Variants in MIB1 observed in about 807,000 individuals in gnomAD.
MIB1 encodes E3 ubiquitin-protein ligase MIB1.
A neutral mutation model predicts 124.5 loss-of-function variants in MIB1; 278 were observed. The observed-to-expected ratio is 2.23, with a 90% CI of 2.02 to 2.47. The LOEUF (loss-of-function observed/expected upper bound fraction) is 2.47. Ranked by LOEUF, MIB1 falls within the 30% of genes most tolerant of loss-of-function variation. The pLI, the probability that MIB1 is intolerant of heterozygous loss-of-function variation, is 0.00. For missense variants in MIB1, 957 were observed against 1,254.4 expected, an observed-to-expected ratio of 0.76 and a Z score of 3.58; for synonymous variants, 446 against 429.4, an observed-to-expected ratio of 1.04 and a Z score of -0.48.
At chr18:21,738,976 C>T (rs112564098), upstream of MIB1, among the ~76,000 whole-genome samples, 2,861 of 150,838 alleles carry the variant, frequency 0.019, 41 homozygotes, top group East Asian at 0.07. Context: ...AAAAACCCTT[C>T]AAAAAAATTA....
intron 13 of MIB1, among the ~76,000 whole-genome samples, chr18:21,840,592 C>A (rs1324560078): frequency 1.3e-5 from 2 of 149,216 alleles, no homozygotes; most frequent in African/African-American, 4.9e-5. Flanking sequence ...AGTTCGAGAC[C>A]AGCCTGGGCA....
chr18:21,775,136 G>A (rs1255165976), intron 4 of MIB1, among the ~76,000 whole-genome samples: 1 of 151,252 alleles, frequency 6.6e-6, no homozygotes, highest in Non-Finnish European at 1.5e-5. Flanking sequence ...TAGTAGAGAC[G>A]CGATTTCACT....
rs1219285364 is a variant in MIB1, at chr18:21,798,150, G to T, written c.1159G>T (p.Gly387Ter). The T allele has an allele frequency of 6.2e-7, 1 of 1,613,328 alleles. No homozygotes were observed. The highest frequency in any genetic ancestry group is 2.2e-5 in the East Asian group (1 of 44,848). ...SDSDLKVEVC[G>*]TSWTYNPAAV... ...CAGTGATTTAAAGGTGGAAGTTTGT[G>T]GAACATCTTGGACATACAATCCAGC... Residue 387 changes from glycine to a stop codon, truncating the protein, a stop_gained, in exon 8 of 21, where the codon GGA becomes TGA. Coordinates refer to ENST00000261537, the MANE Select transcript of MIB1 (RefSeq NM_020774.4). LOFTEE classifies it high-confidence loss of function.
At chr18:21,781,385 ATATATATATATATATATATATATATATAT>A (rs1568198993) in intron 6 of MIB1, among the ~76,000 whole-genome samples, 2,065 of 64,774 alleles carry the variant, frequency 0.032, 94 homozygotes, top group African/African-American at 0.11. Flanking sequence ...ATATATATAT[ATATATATATATATATATATATATATATAT>A]AAAATTATTA....
In MIB1 at chr18:21,787,017, AT is replaced by A. The variant is rs149888040; in HGVS notation, c.909-4343del. Among the ~76,000 whole-genome samples the A allele has an allele frequency of 7.7e-3, 1,043 of 135,490 alleles. 3 individuals are homozygous for A. Among genetic ancestry groups the A allele is most frequent in the Non-Finnish European group, 8.7e-3 (539 of 62,016 alleles). The allele number at this position is 135,490 out of a possible 152,430, so 88.9% of individuals were successfully genotyped here. On this transcript the variant is annotated intron_variant, in intron 6 of 20. Transcript: ENST00000261537. ...TTATATGGCTTCGTATTGAAAGATC[AT>A]TTTTTTTTTTTTTCCCAGTTTTTGC...
At chr18:21,840,625 C>CTG (rs1385375798) in intron 13 of MIB1, among the ~76,000 whole-genome samples, 8 of 132,982 alleles carry the variant, frequency 6.0e-5, no homozygotes, top group African/African-American at 2.4e-4. Context: ...CTCATCTCTA[C>CTG]TGTATATATA....
intron 1 of MIB1, among the ~76,000 whole-genome samples, chr18:21,733,699 CT>C (rs926627764): frequency 6.7e-4 from 102 of 152,102 alleles, no homozygotes; most frequent in Non-Finnish European, 1.1e-3. Context: ...CTCGTCCTTT[CT>C]TTTTTCTTTT....
chr18:21,765,277 T>C (rs2041143624), intron 1 of MIB1, among the ~76,000 whole-genome samples: 1 of 152,232 alleles, frequency 6.6e-6, no homozygotes, highest in Non-Finnish European at 1.5e-5. Context: ...TTTCTAACTT[T>C]TCCTGACTAT....
At chr18:21,857,063 G>A (rs758535923) in intron 18 of MIB1, 67 bp from the exon 19 acceptor site, 29 of 1,010,648 alleles carry the variant, frequency 2.9e-5, no homozygotes, top group Non-Finnish European at 4.2e-5. Context: ...ATAAAAATTA[G>A]CAGAGAAAGG....
At chr18:21,715,079 C>T (rs893101484) in intron 1 of MIB1, among the ~76,000 whole-genome samples, 5 of 152,138 alleles carry the variant, frequency 3.3e-5, no homozygotes, top group African/African-American at 1.2e-4. Context: ...TTGAGAGAAC[C>T]CATGAACCCT....
intron 6 of MIB1, among the ~76,000 whole-genome samples, chr18:21,784,255 G>C: frequency 6.6e-6 from 1 of 150,642 alleles, no homozygotes; most frequent in African/African-American, 2.5e-5. Context: ...CACCATGTTG[G>C]CCAGGCTGGT....
At chr18:21,711,313 A>T (rs1365227442) in intron 1 of MIB1, among the ~76,000 whole-genome samples, 2 of 151,568 alleles carry the variant, frequency 1.3e-5, no homozygotes, top group African/African-American at 4.8e-5. Context: ...ATGGAGTCTC[A>T]CTCTGTCACA....
At chr18:21,707,421 C>T (rs1028390157) in intron 1 of MIB1, among the ~76,000 whole-genome samples, 3 of 152,306 alleles carry the variant, frequency 2.0e-5, no homozygotes, top group African/African-American at 7.2e-5. Context: ...GCAGGCTGCC[C>T]GAGCCAGCAG....
chr18:21,809,920 A>G (rs1035073466), intron 10 of MIB1, among the ~76,000 whole-genome samples: 1 of 152,130 alleles, frequency 6.6e-6, no homozygotes, highest in Admixed American at 6.5e-5. Flanking sequence ...AAAAGAAAAG[A>G]CATCCGAATT....
chr18:21,796,430 T>C (rs1036844254), intron 7 of MIB1, among the ~76,000 whole-genome samples: 1 of 151,934 alleles, frequency 6.6e-6, no homozygotes, highest in Non-Finnish European at 1.5e-5. Flanking sequence ...TTAGGACAAA[T>C]ATCTAATATA....
At chr18:21,717,779 A>T (rs771721409) in intron 1 of MIB1, among the ~76,000 whole-genome samples, 3 of 152,202 alleles carry the variant, frequency 2.0e-5, no homozygotes, top group Non-Finnish European at 4.4e-5. Context: ...AACGAAGAAC[A>T]CTTCTACACT....
chr18:21,721,177 T>G (rs2040713875), intron 1 of MIB1, among the ~76,000 whole-genome samples: 2 of 110,428 alleles, frequency 1.8e-5, no homozygotes, highest in African/African-American at 3.8e-5. Flanking sequence ...TTTTTTTTTT[T>G]TTTTTTTTTT....
chr18:21,778,192 AT>A, intron 5 of MIB1, 23 bp downstream of exon 5: 1 of 1,494,316 alleles, frequency 6.7e-7, no homozygotes, highest in Non-Finnish European at 9.3e-7. Context: ...ATTAGAGAGT[AT>A]TACTAAATAA....
At chr18:21,832,682 A>G (rs1414976121) in intron 12 of MIB1, among the ~76,000 whole-genome samples, 1 of 152,210 alleles carries the variant, frequency 6.6e-6, no homozygotes, top group Non-Finnish European at 1.5e-5. Context: ...TGTTGTCTTT[A>G]GCATTTAATA....
Sources: allele counts gnomAD v4.1 joint callset (sites outside exome capture counted in the v4.1 genomes callset), GRCh38; gene constraint gnomAD v4.1.1; transcripts MANE v1.5; gene names NCBI Gene and HGNC (gene_info 2026-07-23, HGNC 2026-07-21).